The following KIRREL3 variants were observed in gnomAD, a reference collection of about 807,000 sequenced individuals.
KIRREL3 encodes kin of IRRE-like protein 3.
Under a neutral mutation model 89.7 loss-of-function variants are expected in KIRREL3, and 36 were observed. The ratio of observed to expected loss-of-function variants is 0.40; its 90% CI spans 0.31 to 0.53. The LOEUF (loss-of-function observed/expected upper bound fraction) is 0.53. Ranked by LOEUF, KIRREL3 falls within the 20% of genes least tolerant of loss-of-function variation. The pLI is 0.49. For synonymous variants in KIRREL3, 445 were observed against 441.4 expected (o/e 1.01, Z -0.10); for missense variants, 864 against 1,056.6 (o/e 0.82, Z 2.53).
rs1029174759 is a variant in KIRREL3, at chr11:126,489,828, T to A, written c.434-16362A>T. ...CAACTCACTTGCCATGGAAAGTGTG[T>A]TGTTCATGGCGGATCCTCTATCAAA... On this transcript the variant is annotated intron_variant, in intron 4 of 16. Coordinates refer to ENST00000525144, the MANE Select transcript of KIRREL3 (RefSeq NM_032531.4). This position sits in a 1 kb window ranked among gnomAD's most constrained non-coding sequence, Gnocchi z 5.5. Among the ~76,000 whole-genome samples the A allele has an allele frequency of 6.6e-6, 1 of 152,170 alleles. No homozygotes were observed. Among genetic ancestry groups the A allele is most frequent in the Non-Finnish European group, 1.5e-5 (1 of 68,026 alleles).
At chr11:126,819,184 A>G (rs1167069465) in intron 1 of KIRREL3, among the ~76,000 whole-genome samples, 2 of 152,170 alleles carry the variant, frequency 1.3e-5, no homozygotes, top group African/African-American at 4.8e-5. Context: ...GGTCCCTAGC[A>G]TGCTGGGCAG....
intron 3 of KIRREL3, among the ~76,000 whole-genome samples, chr11:126,524,065 A>G (rs1004455248): frequency 1.3e-5 from 2 of 152,182 alleles, no homozygotes; most frequent in Non-Finnish European, 2.9e-5. Flanking sequence ...AGGCAAAATT[A>G]CTTAGAGTCT....
Position 126,656,079 on chromosome 11 carries a change from G to A in KIRREL3, c.56-93167C>T. Reference sequence around the variant, plus strand: ...GTCCTGTGGATTCACTAGATTCTGGGACTATACCTTATCTATGCTGTGCAA... The same window carrying A: ...GTCCTGTGGATTCACTAGATTCTGGAACTATACCTTATCTATGCTGTGCAA... On this transcript the variant is annotated intron_variant, in intron 1 of 16. Transcript: ENST00000525144. The surrounding 1 kb of genome is among the most constrained non-coding windows in gnomAD (Gnocchi z 4.0). 2.2e-6 allele frequency: 1 copy of A among 453,704 alleles called. No homozygotes were observed. Among genetic ancestry groups the A allele is most frequent in the South Asian group, 1.6e-5 (1 of 64,068 alleles). 28.1% of individuals were successfully genotyped at this position (453,704 alleles called of 1,614,324 possible).
intron 1 of KIRREL3, among the ~76,000 whole-genome samples, chr11:126,727,306 A>G (rs1948428740): frequency 6.6e-6 from 1 of 152,262 alleles, no homozygotes; most frequent in African/African-American, 2.4e-5. Context: ...TCAGAAGCTC[A>G]GCTACCTCTC....
chr11:126,893,608 C>T (rs752833217), intron 1 of KIRREL3, among the ~76,000 whole-genome samples: 2 of 152,218 alleles, frequency 1.3e-5, no homozygotes, highest in Non-Finnish European at 2.9e-5. Context: ...GAAGGCCCGG[C>T]TACCCGGGTT....
chr11:126,525,604 C>A lies in KIRREL3; in HGVS notation c.283+934G>T, dbSNP rs1958725272. On this transcript the variant is annotated intron_variant, in intron 3 of 16. Transcript: ENST00000525144. This position sits in a 1 kb window ranked among gnomAD's most constrained non-coding sequence, Gnocchi z 5.4. ...TTTTTATTTTCCTGCAGCTGTACAC[C>A]ATGCGAGAGGCAAAGTTACTTCTCA... Among the ~76,000 whole-genome samples the A allele has an allele frequency of 6.6e-6, 1 of 152,192 alleles. No homozygotes were observed. The highest frequency in any genetic ancestry group is 2.1e-4 in the South Asian group (1 of 4,828).
At position 126,933,895 on chromosome 11, in the gene KIRREL3, A is replaced by C. The variant is rs569868039; in HGVS notation, c.55+66560T>G. ...TGACAATTCTTCCCAAATCATCTTT[A>C]GGTTAAACACAATTTCTATTAAAAT... On this transcript the variant is annotated intron_variant, in intron 1 of 16. Transcript: ENST00000525144. Among the ~76,000 whole-genome samples, 24 of 152,204 alleles carry C rather than the reference A, an allele frequency of 1.6e-4. 1 individual carries two copies. Among genetic ancestry groups the C allele is most frequent in the South Asian group, 8.3e-4 (4 of 4,820 alleles).
intron 1 of KIRREL3, among the ~76,000 whole-genome samples, chr11:126,634,576 G>A (rs1944186264): frequency 6.6e-6 from 1 of 152,168 alleles, no homozygotes; most frequent in Non-Finnish European, 1.5e-5. Context: ...GAGCTTTGCA[G>A]GGGAAATGAA....
intron 1 of KIRREL3, among the ~76,000 whole-genome samples, chr11:126,596,675 T>C (rs1313151936): frequency 1.3e-5 from 2 of 152,238 alleles, no homozygotes; most frequent in African/African-American, 2.4e-5. Context: ...AGGAGGTATC[T>C]CTGTGTGGAG....
Position 126,664,236 on chromosome 11 carries a change from A to T in KIRREL3, c.56-101324T>A, listed in dbSNP as rs1945547896. Among the ~76,000 whole-genome samples, 1 of 147,446 alleles carries T rather than the reference A, an allele frequency of 6.8e-6. No homozygotes were observed. Reference sequence around the variant, plus strand: ...TCAGGCTTTTGCTGGGGCCATTAGCATTTTTTTTTTTTTTACCATCATTAT... The same window carrying T: ...TCAGGCTTTTGCTGGGGCCATTAGCTTTTTTTTTTTTTTTACCATCATTAT... On this transcript the variant is annotated intron_variant, in intron 1 of 16. Coordinates refer to ENST00000525144, the MANE Select transcript of KIRREL3 (RefSeq NM_032531.4). The surrounding 1 kb of genome is among the most constrained non-coding windows in gnomAD (Gnocchi z 5.4).
chr11:126,560,259 C>T (rs756819107), intron 2 of KIRREL3, among the ~76,000 whole-genome samples: 14 of 151,944 alleles, frequency 9.2e-5, no homozygotes, highest in Non-Finnish European at 1.5e-4. Context: ...TGTGTTGGGT[C>T]CACACAGTAG....
rs560860078 is a variant in KIRREL3 at position 126,550,930 on chromosome 11, C to G, written c.133+11905G>C. 2.0e-5 allele frequency among the ~76,000 whole-genome samples: 3 copies of G among 152,280 alleles called. No homozygotes were observed. The South Asian group carries it at 6.2e-4, about 32-fold the overall frequency. On this transcript the variant is annotated intron_variant, in intron 2 of 16. Transcript: ENST00000525144. The surrounding 1 kb of genome is among the most constrained non-coding windows in gnomAD (Gnocchi z 4.9). ...GCTGGGGGCTCAGTCCCCAAGACTT[C>G]CCCCACACCCTGGCACCTGTCACAA... is the stretch of plus-strand genomic sequence containing the variant.
intron 1 of KIRREL3, among the ~76,000 whole-genome samples, chr11:126,828,399 C>G (rs1424380161): frequency 1.3e-5 from 2 of 152,152 alleles, no homozygotes; most frequent in African/African-American, 2.4e-5. Context: ...CTACATCAAG[C>G]CTTAGTCTCT....
chr11:126,606,599 G>A lies in KIRREL3; in HGVS notation c.56-43687C>T, dbSNP rs1355907656. Among the ~76,000 whole-genome samples the A allele has an allele frequency of 6.6e-6, 1 of 152,082 alleles. No homozygotes were observed. The highest frequency in any genetic ancestry group is 1.5e-5 in the Non-Finnish European group (1 of 68,012). ...CCCAGATGACCTTACACACCCCAGG[G>A]GTTGATACCAGGCCGAGACCCTCGA... is the stretch of plus-strand genomic sequence containing the variant. On this transcript the variant is annotated intron_variant, in intron 1 of 16. Transcript: ENST00000525144. This position sits in a 1 kb window ranked among gnomAD's most constrained non-coding sequence, Gnocchi z 4.6.
At chr11:126,753,813 T>C (rs1247064307) in intron 1 of KIRREL3, among the ~76,000 whole-genome samples, 1 of 152,184 alleles carries the variant, frequency 6.6e-6, no homozygotes, top group Non-Finnish European at 1.5e-5. Context: ...ATCTGTTCCC[T>C]CATGAGGCTC....
intron 1 of KIRREL3, among the ~76,000 whole-genome samples, chr11:126,962,254 T>C (rs1949113545): frequency 3.3e-5 from 5 of 152,160 alleles, no homozygotes; most frequent in Non-Finnish European, 5.9e-5. Context: ...TGAAAACCTA[T>C]TGGAAAGGAT....
At chr11:126,738,279 C>G (rs564289410) in intron 1 of KIRREL3, among the ~76,000 whole-genome samples, 1 of 151,780 alleles carries the variant, frequency 6.6e-6, no homozygotes, top group Admixed American at 6.5e-5. Context: ...GCCCCTGTTG[C>G]CCCCTCCACC....
At chr11:126,937,627 G>T (rs548815949) in intron 1 of KIRREL3, among the ~76,000 whole-genome samples, 1 of 152,216 alleles carries the variant, frequency 6.6e-6, no homozygotes, top group Non-Finnish European at 1.5e-5. Flanking sequence ...TTGGCCGGGC[G>T]TGGTGGCTCA....
chr11:126,689,042 A>AGAGAGAGAGAGAGAGAG lies in KIRREL3; in HGVS notation c.56-126131_56-126130insCTCTCTCTCTCTCTCTC, dbSNP rs1946775852. The stretch of plus-strand genomic sequence containing the variant: ...ATGTGTGTGTGTGTAAGGGGGAGAG[A>AGAGAGAGAGAGAGAGAG]AGAGAGAGAGAGAGAGAGAGAGAGA... On this transcript the variant is annotated intron_variant, in intron 1 of 16. Transcript: ENST00000525144. The surrounding 1 kb of genome is among the most constrained non-coding windows in gnomAD (Gnocchi z 5.2). Among the ~76,000 whole-genome samples, 1 of 129,766 alleles carries AGAGAGAGAGAGAGAGAG rather than the reference A, an allele frequency of 7.7e-6. No homozygotes were observed. The highest frequency in any genetic ancestry group is 3.0e-5 in the African/African-American group (1 of 33,346). 85.1% of individuals were successfully genotyped at this position (129,766 alleles called of 152,430 possible).
Sources: gnomAD v4.1 joint callset for allele counts (sites outside exome capture counted in the v4.1 genomes callset) on GRCh38, gnomAD v4.1.1 for gene constraint, Gnocchi (gnomAD v3.1) non-coding constraint, MANE v1.5 for transcripts, NCBI Gene and HGNC (gene_info 2026-07-23, HGNC 2026-07-21) for gene names.